The following POLR3C variants were observed in gnomAD, a reference collection of about 807,000 sequenced individuals.
POLR3C encodes DNA-directed RNA polymerase III subunit RPC3.
Under a neutral mutation model 65.9 loss-of-function variants are expected in POLR3C, and 44 were observed. That is an observed-to-expected ratio of 0.67 (90% CI 0.52 to 0.86). POLR3C has a LOEUF of 0.86. POLR3C is among the 40% of genes least tolerant of loss of function. POLR3C has a pLI of 0.00. For synonymous variants in POLR3C, 263 were observed against 231.6 expected (o/e 1.14, Z -1.23); for missense variants, 576 against 653.2 (o/e 0.88, Z 1.29).
chr1:145,825,759 C>G lies in POLR3C; in HGVS notation c.-18C>G. The G allele has an allele frequency of 4.4e-6, 7 of 1,605,798 alleles. No individual in the cohort carries two copies. Among genetic ancestry groups the G allele is most frequent in the Non-Finnish European group, 6.0e-6 (7 of 1,174,436 alleles). ...CCATTTTGGTGTTTTTTCCCTAGCTCTCAGACTCCCCAGTACAATGACTCA... is the reference window on the plus strand; with the variant it reads ...CCATTTTGGTGTTTTTTCCCTAGCTGTCAGACTCCCCAGTACAATGACTCA... On this transcript the variant is annotated splice_region_variant and 5_prime_UTR_variant, in exon 2 of 15. Transcript: ENST00000334163.
intron 7 of POLR3C, among the ~76,000 whole-genome samples, chr1:145,835,627 T>G (rs1211878297): frequency 6.6e-6 from 1 of 151,980 alleles, no homozygotes; most frequent in African/African-American, 2.4e-5. Context: ...CAGGCTGGAG[T>G]GCAGTAGCGC....
At chr1:145,842,314 G>A in intron 14 of POLR3C, 25 bp from the exon 15 acceptor site, 1 of 1,457,998 alleles carries the variant, frequency 6.9e-7, no homozygotes, top group South Asian at 1.1e-5. Flanking sequence ...TTCAGTCTAG[G>A]CAAATGCCTT....
chr1:145,839,611 T>C lies in POLR3C; in HGVS notation c.1222-279T>C, dbSNP rs587723653. 87 of 321,498 alleles carry C rather than the reference T, an allele frequency of 2.7e-4. No homozygotes were observed. The South Asian group carries it at 4.9e-3, about 18-fold the overall frequency. The allele number at this position is 321,498 out of a possible 1,614,324, so 19.9% of individuals were successfully genotyped here. A position where few individuals can be genotyped will look rare whatever the true frequency, so the allele number is the denominator to read the frequency against. ...AGCGGAGCATGGTGGTGCATGCCTG[T>C]AGTTCCGGCTACTTGGGGGACTGAG... is the stretch of plus-strand genomic sequence containing the variant. On this transcript the variant is annotated intron_variant, in intron 11 of 14. Transcript: ENST00000334163.
chr1:145,830,547 C>G (rs200264831), intron 5 of POLR3C, among the ~76,000 whole-genome samples: 23 of 152,240 alleles, frequency 1.5e-4, no homozygotes, highest in Admixed American at 3.9e-4. Context: ...CACCTGTAAT[C>G]CCAGCACTTT....
chr1:145,826,701 C>G lies in POLR3C; in HGVS notation c.395C>G (p.Thr132Ser), dbSNP rs781796738. The change falls in exon 3 of 15, where the codon ACC becomes AGC. Residue 132 changes from threonine to serine, a missense_variant. Thr to Ser is a moderately conservative substitution (Grantham distance 58). Transcript: ENST00000334163. ...AAAGTGGCAGACCGGCTCACAGAGA[C>G]CATGGAGGGTCAGTATGGTATCCAT... ...VKKVADRLTE[T>S]MEDGKTMDYA... is the part of the protein sequence containing the mutation. 2 of 1,614,100 alleles carry G rather than the reference C, an allele frequency of 1.2e-6. No individual in the cohort carries two copies. The highest frequency in any genetic ancestry group is 2.2e-5 in the South Asian group (2 of 91,074).
At chr1:145,831,612 A>G (rs1424915410) in intron 5 of POLR3C, among the ~76,000 whole-genome samples, 3 of 152,166 alleles carry the variant, frequency 2.0e-5, no homozygotes, top group Admixed American at 2.0e-4. Flanking sequence ...TTACCCAAGT[A>G]GAGCATGTAG....
At chr1:145,828,339 T>C (rs781903686) in intron 4 of POLR3C, among the ~76,000 whole-genome samples, 1 of 152,120 alleles carries the variant, frequency 6.6e-6, no homozygotes, top group Non-Finnish European at 1.5e-5. Flanking sequence ...TTTAAGGAAA[T>C]GACATGATCT....
intron 5 of POLR3C, among the ~76,000 whole-genome samples, chr1:145,829,067 C>A (rs1427510210): frequency 6.6e-6 from 1 of 152,048 alleles, no homozygotes; most frequent in African/African-American, 2.4e-5. Flanking sequence ...TAAAAAGGGG[C>A]CTAGAAAAAG....
chr1:145,840,007 C>T lies in POLR3C; in HGVS notation c.1323+16C>T, dbSNP rs375492391. On this transcript the variant is annotated intron_variant, in intron 12 of 14. Transcript: ENST00000334163. ...GTGCTACAAGGTAACTCAATCTGGA[C>T]CTTCTCCCCATTTCCTCCATACGGT... 6.4e-7 allele frequency: 1 copy of T among 1,561,584 alleles called. No individual in the cohort carries two copies. The highest frequency in any genetic ancestry group is 1.7e-5 in the Admixed American group (1 of 59,942).
chr1:145,828,362 C>G (rs1553726339), intron 4 of POLR3C, among the ~76,000 whole-genome samples: 1 of 152,064 alleles, frequency 6.6e-6, no homozygotes, highest in East Asian at 1.9e-4. Flanking sequence ...TTTGCACTTT[C>G]AAAAGATTTT....
intron 7 of POLR3C, among the ~76,000 whole-genome samples, chr1:145,834,521 A>AG (rs1226101505): frequency 6.6e-6 from 1 of 151,928 alleles, no homozygotes; most frequent in African/African-American, 2.4e-5. Context: ...AAAAAAAAAA[A>AG]AAAATTAGCC....
Position 145,842,821 on chromosome 1 carries a change from T to A in POLR3C, c.*401T>A, listed in dbSNP as rs1652396860. ...TAGATAGATAGATAGATAGATAATT[T>A]GTTGTTGTTGAGACAGGATCTCACT... is the stretch of plus-strand genomic sequence containing the variant. On this transcript the variant is annotated 3_prime_UTR_variant, in exon 15 of 15. Coordinates refer to ENST00000334163, the MANE Select transcript of POLR3C (RefSeq NM_006468.8). 1.3e-5 allele frequency among the ~76,000 whole-genome samples: 1 copy of A among 78,690 alleles called. No individual in the cohort carries two copies. The highest frequency in any genetic ancestry group is 2.8e-5 in the Non-Finnish European group (1 of 36,250). The allele number at this position is 78,690 out of a possible 152,430, so 51.6% of individuals were successfully genotyped here.
intron 7 of POLR3C, 63 bp downstream of exon 7, chr1:145,833,645 T>C: frequency 3.7e-6 from 4 of 1,078,558 alleles, no homozygotes; most frequent in Non-Finnish European, 5.8e-6. Flanking sequence ...ACGTTTATTA[T>C]ACACAGATCC....
At chr1:145,839,322 C>T (rs1553729765) in intron 11 of POLR3C, among the ~76,000 whole-genome samples, 2 of 152,096 alleles carry the variant, frequency 1.3e-5, no homozygotes, top group African/African-American at 4.8e-5. Flanking sequence ...ATTTACCTGG[C>T]ACATAGAGTT....
At chr1:145,828,311 G>A (rs1388625259) in intron 4 of POLR3C, among the ~76,000 whole-genome samples, 1 of 152,158 alleles carries the variant, frequency 6.6e-6, no homozygotes, top group African/African-American at 2.4e-5. Flanking sequence ...AAGAGCAAAG[G>A]AAGACCACTG....
chr1:145,835,041 G>C (rs1034475973), intron 7 of POLR3C, among the ~76,000 whole-genome samples: 3 of 150,424 alleles, frequency 2.0e-5, no homozygotes, highest in Non-Finnish European at 4.4e-5. Context: ...AGCTATTCGA[G>C]AGGCTGAGGC....
intron 11 of POLR3C, chr1:145,839,658 G>A: frequency 2.4e-6 from 1 of 423,896 alleles, no homozygotes; most frequent in Non-Finnish European, 4.2e-6. Context: ...GCTTGAGCCG[G>A]AGGTGGAAGT....
At chr1:145,836,974 A>G (rs1553728923) in intron 9 of POLR3C, 108 bp downstream of exon 9, 1 of 591,494 alleles carries the variant, frequency 1.7e-6, no homozygotes, top group African/African-American at 2.0e-5. Context: ...AATAAATTAG[A>G]AAATTGAAGT....
intron 11 of POLR3C, among the ~76,000 whole-genome samples, chr1:145,839,324 C>T (rs1203848180): frequency 6.6e-6 from 1 of 152,104 alleles, no homozygotes; most frequent in African/African-American, 2.4e-5. Context: ...TTACCTGGCA[C>T]ATAGAGTTGT....
Sources: allele counts gnomAD v4.1 joint callset (sites outside exome capture counted in the v4.1 genomes callset), GRCh38; gene constraint gnomAD v4.1.1; transcripts MANE v1.5; gene names NCBI Gene and HGNC (gene_info 2026-07-23, HGNC 2026-07-21).